NLGN1: variants seen among roughly 807,000 people sequenced by gnomAD.
The protein encoded by NLGN1 is neuroligin 1.
A neutral mutation model predicts 65.5 loss-of-function variants in NLGN1; 12 were observed. The ratio of observed to expected loss-of-function variants is 0.18; its 90% confidence interval spans 0.12 to 0.30. NLGN1 has a LOEUF of 0.30. NLGN1 is among the 10% of genes least tolerant of loss of function. The pLI is 1.00. For synonymous variants in NLGN1, 350 were observed against 359.5 expected (o/e 0.97, Z 0.30); for missense variants, 750 against 1,007.1 (o/e 0.74, Z 3.46).
At chr3:174,289,758 C>G (rs932051512), downstream of NLGN1, among the ~76,000 whole-genome samples, 21 of 150,672 alleles carry the variant, frequency 1.4e-4, no homozygotes, top group African/African-American at 5.1e-4. Flanking sequence ...AAACATCTCT[C>G]TTACTACAGA....
At chr3:174,288,027 C>G (rs73882749), downstream of NLGN1, among the ~76,000 whole-genome samples, 770 of 151,644 alleles carry the variant, frequency 5.1e-3, 3 homozygotes, top group African/African-American at 0.017. Context: ...CTATGACTTA[C>G]TAACATACAA....
chr3:173,864,452 A>T (rs1729735495), intron 4 of NLGN1, among the ~76,000 whole-genome samples: 1 of 152,218 alleles, frequency 6.6e-6, no homozygotes, highest in African/African-American at 2.4e-5. Flanking sequence ...TACCAAAATT[A>T]TTACACGTTG....
At chr3:173,879,235 C>CA (rs142935633) in intron 4 of NLGN1, among the ~76,000 whole-genome samples, 109 of 128,540 alleles carry the variant, frequency 8.5e-4, no homozygotes, top group Admixed American at 2.2e-3. Context: ...TTGTCTCAGA[C>CA]AAAAAAAAAA....
At chr3:174,010,164 C>G (rs77009796) in intron 4 of NLGN1, among the ~76,000 whole-genome samples, 1,547 of 152,192 alleles carry the variant, frequency 0.01, 11 homozygotes, top group Middle Eastern at 0.041. Flanking sequence ...AAAAAATGTT[C>G]AAATCAAAAC....
chr3:174,069,561 C>T (rs1265804219), intron 4 of NLGN1, among the ~76,000 whole-genome samples: 1 of 152,094 alleles, frequency 6.6e-6, no homozygotes, highest in East Asian at 1.9e-4. Flanking sequence ...ATATATTTTT[C>T]AAAGCAAATG....
chr3:174,017,597 T>G (rs1310301557), intron 4 of NLGN1, among the ~76,000 whole-genome samples: 1 of 152,038 alleles, frequency 6.6e-6, no homozygotes, highest in Non-Finnish European at 1.5e-5. Context: ...GTCTGAGAAA[T>G]AAAGGGAAAG....
intron 2 of NLGN1, among the ~76,000 whole-genome samples, chr3:173,594,691 G>A (rs2149410320): frequency 6.6e-6 from 1 of 152,338 alleles, no homozygotes; most frequent in African/African-American, 2.4e-5. Context: ...CACTGCCTTA[G>A]CAGAGGTTCT....
chr3:173,470,380 T>C (rs1725114237), intron 2 of NLGN1, among the ~76,000 whole-genome samples: 1 of 152,112 alleles, frequency 6.6e-6, no homozygotes, highest in Admixed American at 6.6e-5. Context: ...GATATATACA[T>C]TTCTCTTTCT....
At position 173,629,206 on chromosome 3, in the gene NLGN1, A is replaced by G. The variant is rs1416602404; in HGVS notation, c.493+24115A>G. On this transcript the variant is annotated intron_variant, in intron 3 of 6. Transcript: ENST00000457714. ...GTCTTCTAGACAGGAGGATCCAATTATTTCTTTGTGCATAGATCATATTCC... is the reference window on the plus strand; with the variant it reads ...GTCTTCTAGACAGGAGGATCCAATTGTTTCTTTGTGCATAGATCATATTCC... 2.0e-5 allele frequency among the ~76,000 whole-genome samples: 3 copies of G among 151,768 alleles called. No individual in the cohort carries two copies. In the East Asian group the frequency reaches 5.8e-4, roughly 29 times the overall value.
chr3:173,928,799 G>A (rs1167904477), intron 4 of NLGN1, among the ~76,000 whole-genome samples: 2 of 151,148 alleles, frequency 1.3e-5, no homozygotes, highest in African/African-American at 2.4e-5. Flanking sequence ...AGCCTCCCCA[G>A]TAATGGATTA....
At chr3:174,254,253 A>G (rs926352610) in intron 4 of NLGN1, among the ~76,000 whole-genome samples, 7 of 151,716 alleles carry the variant, frequency 4.6e-5, no homozygotes, top group Admixed American at 4.6e-4. Context: ...AGGGTTCGCA[A>G]ACTTGTCTCT....
intron 3 of NLGN1, among the ~76,000 whole-genome samples, chr3:173,682,949 C>T (rs1214420541): frequency 6.6e-6 from 1 of 152,156 alleles, no homozygotes; most frequent in African/African-American, 2.4e-5. Flanking sequence ...TTTACTCCAG[C>T]ATGAGAGACT....
At chr3:173,480,289 G>GACA (rs1382967386) in intron 2 of NLGN1, among the ~76,000 whole-genome samples, 1 of 152,002 alleles carries the variant, frequency 6.6e-6, no homozygotes, top group Non-Finnish European at 1.5e-5. Context: ...TGATCTAGAA[G>GACA]ACAAATGTAT....
chr3:173,544,502 T>C (rs960179772), intron 2 of NLGN1, among the ~76,000 whole-genome samples: 1 of 152,232 alleles, frequency 6.6e-6, no homozygotes. Context: ...TGGGCAACTA[T>C]GTAGCCGTAT....
At chr3:173,628,598 A>G (rs1030762195) in intron 3 of NLGN1, among the ~76,000 whole-genome samples, 2 of 151,902 alleles carry the variant, frequency 1.3e-5, no homozygotes, top group African/African-American at 4.8e-5. Context: ...AGGCTACACC[A>G]TCTTTTTTTT....
intron 4 of NLGN1, among the ~76,000 whole-genome samples, chr3:173,844,453 T>C (rs1366826967): frequency 6.6e-6 from 1 of 152,188 alleles, no homozygotes; most frequent in Non-Finnish European, 1.5e-5. Context: ...TTTATGAAAA[T>C]TTTTGAAATA....
At chr3:173,396,447 G>A (rs1277906233), upstream of NLGN1, 2 of 151,940 alleles carry the variant, frequency 1.3e-5, no homozygotes, top group Admixed American at 1.3e-4. Flanking sequence ...TTTATATACC[G>A]ACCGCATAAT....
chr3:173,470,335 T>G (rs1725104774), intron 2 of NLGN1, among the ~76,000 whole-genome samples: 1 of 108,028 alleles, frequency 9.3e-6, no homozygotes, highest in Admixed American at 8.2e-5. Flanking sequence ...GTGACTGCCA[T>G]CATATCATCA....
intron 4 of NLGN1, among the ~76,000 whole-genome samples, chr3:173,841,969 G>A (rs991712848): frequency 8.5e-5 from 13 of 152,100 alleles, no homozygotes; most frequent in African/African-American, 2.9e-4. Flanking sequence ...TTTTCACACT[G>A]CTGATAAATA....
Sources: gnomAD v4.1 joint callset for allele counts (sites outside exome capture counted in the v4.1 genomes callset) on GRCh38, gnomAD v4.1.1 for gene constraint, MANE v1.5 for transcripts, NCBI Gene and HGNC (gene_info 2026-07-23, HGNC 2026-07-21) for gene names.